Variants in SPHKAP observed in about 807,000 individuals in gnomAD.
SPHKAP encodes A-kinase anchor protein SPHKAP.
In SPHKAP, 67 loss-of-function variants were observed where a neutral mutation model predicts 137.5. That is an observed-to-expected ratio of 0.49 (90% CI 0.40 to 0.60). The LOEUF (loss-of-function observed/expected upper bound fraction) is 0.60, where lower values mean the gene tolerates loss of function less well. Among genes scored for constraint, SPHKAP ranks in the 20% least tolerant of loss-of-function variants. The pLI, the probability that SPHKAP is intolerant of heterozygous loss-of-function variation, is 0.00. For missense variants in SPHKAP, 2,097 were observed against 2,069.3 expected, an observed-to-expected ratio of 1.01 and a Z score of -0.26; for synonymous variants, 813 against 785.3, an observed-to-expected ratio of 1.04 and a Z score of -0.59.
At chr2:228,057,051 C>T (rs146699555) in intron 3 of SPHKAP, among the ~76,000 whole-genome samples, 1 of 152,340 alleles carries the variant, frequency 6.6e-6, no homozygotes, top group East Asian at 1.9e-4. Context: ...GGAAGCGAGG[C>T]ATGGCTGAAA....
At chr2:228,032,719 T>C (rs1695387759) in intron 3 of SPHKAP, among the ~76,000 whole-genome samples, 2 of 152,142 alleles carry the variant, frequency 1.3e-5, no homozygotes, top group African/African-American at 4.8e-5. Context: ...TAGGGACCAA[T>C]ATTCAACATT....
intron 1 of SPHKAP, among the ~76,000 whole-genome samples, chr2:228,180,666 G>A (rs903808667): frequency 1.3e-5 from 2 of 152,202 alleles, no homozygotes; most frequent in African/African-American, 4.8e-5. Flanking sequence ...CTTGGCTCCC[G>A]GCGCGAGCGC....
chr2:228,127,794 C>T (rs528850446), intron 2 of SPHKAP, among the ~76,000 whole-genome samples: 2 of 152,152 alleles, frequency 1.3e-5, no homozygotes, highest in Middle Eastern at 3.4e-3. Flanking sequence ...AGTCGCAGAC[C>T]CCCACAACAG....
At chr2:227,994,494 T>A (rs1053439006) in intron 8 of SPHKAP, among the ~76,000 whole-genome samples, 7 of 152,090 alleles carry the variant, frequency 4.6e-5, no homozygotes, top group African/African-American at 1.7e-4. Flanking sequence ...AAAGGGTGAG[T>A]GGTGGTGCGT....
intron 3 of SPHKAP, among the ~76,000 whole-genome samples, chr2:228,092,474 T>TGTGCC (rs1420240358): frequency 1.2e-3 from 10 of 8,234 alleles, no homozygotes; most frequent in East Asian, 5.1e-3. Flanking sequence ...GTGCCATATA[T>TGTGCC]ATGTATACAT....
At chr2:228,143,474 T>C (rs966191212) in intron 1 of SPHKAP, among the ~76,000 whole-genome samples, 1 of 151,972 alleles carries the variant, frequency 6.6e-6, no homozygotes, top group African/African-American at 2.4e-5. Flanking sequence ...TTCTTTCTTT[T>C]AAATTTTATT....
At chr2:228,059,006 TG>T (rs1237292399) in intron 3 of SPHKAP, among the ~76,000 whole-genome samples, 11 of 152,242 alleles carry the variant, frequency 7.2e-5, no homozygotes, top group Non-Finnish European at 1.6e-4. Flanking sequence ...CCTATAGTTT[TG>T]TTTTTTCCAG....
At chr2:228,081,336 G>A (rs567723217) in intron 3 of SPHKAP, among the ~76,000 whole-genome samples, 9 of 152,246 alleles carry the variant, frequency 5.9e-5, no homozygotes, top group Admixed American at 3.3e-4. Flanking sequence ...TTGGAGAAAG[G>A]CACAGACCAC....
chr2:228,132,163 A>T, intron 1 of SPHKAP, 78 bp from the exon 2 acceptor site: 1 of 1,177,948 alleles, frequency 8.5e-7, no homozygotes, highest in East Asian at 2.4e-5. Context: ...AGTAAATCAC[A>T]ACATGGTGTA....
chr2:228,023,338 C>A (rs1020787865), intron 5 of SPHKAP, among the ~76,000 whole-genome samples: 3 of 152,150 alleles, frequency 2.0e-5, no homozygotes, highest in Admixed American at 2.0e-4. Flanking sequence ...TATGGACCTG[C>A]AGCCATGGCA....
chr2:227,992,219 T>C (rs1173529728), intron 9 of SPHKAP, among the ~76,000 whole-genome samples: 1 of 152,236 alleles, frequency 6.6e-6, no homozygotes, highest in Admixed American at 6.5e-5. Context: ...TCTCTCATTC[T>C]GCTACTGCTA....
At chr2:228,069,455 T>A (rs1274580375) in intron 3 of SPHKAP, among the ~76,000 whole-genome samples, 1 of 151,084 alleles carries the variant, frequency 6.6e-6, no homozygotes, top group Non-Finnish European at 1.5e-5. Context: ...CTTTCTTTTT[T>A]TTTTTTTTTA....
chr2:228,041,111 T>C (rs1437850102), intron 3 of SPHKAP, among the ~76,000 whole-genome samples: 1 of 152,218 alleles, frequency 6.6e-6, no homozygotes, highest in Non-Finnish European at 1.5e-5. Context: ...GATGTTTTCC[T>C]ATATGATTTT....
At chr2:227,994,173 A>G (rs1354285505) in intron 8 of SPHKAP, 13 of 617,914 alleles carry the variant, frequency 2.1e-5, no homozygotes, top group Non-Finnish European at 2.4e-5. Flanking sequence ...CTACAGAACC[A>G]TAAGTACAAA....
chr2:228,035,582 T>C (rs984465024), intron 3 of SPHKAP, among the ~76,000 whole-genome samples: 11 of 152,208 alleles, frequency 7.2e-5, no homozygotes, highest in African/African-American at 2.7e-4. Context: ...AAGTCAATCC[T>C]AAGCCAAAGG....
chr2:228,078,985 G>C (rs1697272803), intron 3 of SPHKAP, among the ~76,000 whole-genome samples: 1 of 152,116 alleles, frequency 6.6e-6, no homozygotes, highest in Non-Finnish European at 1.5e-5. Context: ...CACAGACTCA[G>C]TGTTTGGGCC....
At chr2:228,151,098 C>A (rs1699915069) in intron 1 of SPHKAP, among the ~76,000 whole-genome samples, 1 of 144,450 alleles carries the variant, frequency 6.9e-6, no homozygotes, top group Non-Finnish European at 1.5e-5. Context: ...CCCACCCCAC[C>A]ACAGTCCCCA....
rs769323258 is a variant in SPHKAP at position 228,017,705 on chromosome 2, G to T, written c.3149C>A (p.Thr1050Lys). 1 of 1,614,002 alleles carries T rather than the reference G, an allele frequency of 6.2e-7. No homozygotes were observed. The highest frequency in any genetic ancestry group is 2.2e-5 in the East Asian group (1 of 44,864). The change falls in exon 7 of 12, where the codon ACG becomes AAG. Residue 1050 changes from threonine to lysine, a missense_variant. By Grantham distance (78) the Thr-to-Lys change is moderately conservative. Transcript: ENST00000392056. ...CATGCCGTCCACCATAGAGAACTCC[G>T]TTAGGTTCATGATCTTGGCTGCCAC... is the stretch of plus-strand genomic sequence containing the variant. ...NEVAAKIMNL[T>K]EFSMVDGMWQ...
chr2:228,048,406 C>T (rs550210030), intron 3 of SPHKAP, among the ~76,000 whole-genome samples: 6 of 152,196 alleles, frequency 3.9e-5, no homozygotes, highest in African/African-American at 1.4e-4. Flanking sequence ...TTTAATCTTT[C>T]AACTCCACCT....
Sources: allele counts gnomAD v4.1 joint callset (sites outside exome capture counted in the v4.1 genomes callset), GRCh38; gene constraint gnomAD v4.1.1; transcripts MANE v1.5; gene names NCBI Gene and HGNC (gene_info 2026-07-23, HGNC 2026-07-21).